The following CUBN variants were observed in gnomAD, a reference collection of about 807,000 sequenced individuals.
The protein encoded by CUBN is 460 kDa receptor.
Under a neutral mutation model 405.3 loss-of-function variants are expected in CUBN, and 282 were observed. The ratio of observed to expected loss-of-function variants is 0.70; its 90% CI spans 0.63 to 0.77. CUBN has a LOEUF of 0.77. CUBN is among the 30% of genes least tolerant of loss of function. CUBN has a pLI of 0.00. For missense variants in CUBN, 4,514 were observed against 4,475.2 expected, an observed-to-expected ratio of 1.01 and a Z score of -0.25; for synonymous variants, 1,684 against 1,617.0, an observed-to-expected ratio of 1.04 and a Z score of -0.99.
At chr10:17,018,528 A>T (rs1834404906) in intron 28 of CUBN, among the ~76,000 whole-genome samples, 1 of 152,198 alleles carries the variant, frequency 6.6e-6, no homozygotes, top group African/African-American at 2.4e-5. Flanking sequence ...CAGCTCATTA[A>T]GGTAGTGTGG....
chr10:16,884,343 G>T (rs1588618207), intron 56 of CUBN, among the ~76,000 whole-genome samples: 1 of 151,678 alleles, frequency 6.6e-6, no homozygotes, highest in Non-Finnish European at 1.5e-5. Context: ...GCTTCATTTT[G>T]CCTCAAGAAG....
chr10:17,032,313 G>A (rs368604978), intron 27 of CUBN, among the ~76,000 whole-genome samples: 1 of 152,126 alleles, frequency 6.6e-6, no homozygotes, highest in Non-Finnish European at 1.5e-5. Context: ...TTTTACACAC[G>A]AGAGAACCAA....
chr10:16,948,417 A>C, intron 35 of CUBN, 61 bp downstream of exon 35: 1 of 1,610,504 alleles, frequency 6.2e-7, no homozygotes, highest in Non-Finnish European at 8.5e-7. Flanking sequence ...CCCCAATAAC[A>C]AACCAAGAAT....
Position 17,075,073 on chromosome 10 carries a change from C to CTTTTTTTTTT in CUBN, c.2302-3112_2302-3103dup, listed in dbSNP as rs957929670. 7.6e-3 allele frequency among the ~76,000 whole-genome samples: 495 copies of CTTTTTTTTTT among 65,330 alleles called. 9 individuals are homozygous for CTTTTTTTTTT. The highest frequency in any genetic ancestry group is 0.014 in the Middle Eastern group (1 of 70). 42.9% of individuals were successfully genotyped at this position (65,330 alleles called of 152,430 possible). A position where few individuals can be genotyped will look rare whatever the true frequency, so the allele number is the denominator to read the frequency against. ...TAAAGAGAAGATTTTTCTTTGTTTT[C>CTTTTTTTTTT]TTTTTTTTTTTTTTTTTTTTTTTTT... On this transcript the variant is annotated intron_variant, in intron 17 of 66. Transcript: ENST00000377833.
intron 17 of CUBN, among the ~76,000 whole-genome samples, chr10:17,074,578 G>A (rs190168681): frequency 1.8e-4 from 27 of 152,188 alleles, no homozygotes; most frequent in Non-Finnish European, 8.8e-5. Flanking sequence ...TACAAGTAGA[G>A]TGTAAATTGA....
rs944115094 is a variant in CUBN, at chr10:16,990,663, C to G, written c.4169-148G>C. ...AAGTTACAATAAAGTTATAATTATG[C>G]AGTTATAAAACAATGAGAAAAAAAT... is the stretch of plus-strand genomic sequence containing the variant. On this transcript the variant is annotated intron_variant, in intron 28 of 66. Coordinates refer to ENST00000377833, the MANE Select transcript of CUBN (RefSeq NM_001081.4). 2.3e-5 allele frequency: 15 copies of G among 666,076 alleles called. No individual in the cohort carries two copies. In the African/African-American group the frequency reaches 2.7e-4, roughly 12 times the overall value. 41.3% of individuals were successfully genotyped at this position (666,076 alleles called of 1,614,324 possible). A position where few individuals can be genotyped will look rare whatever the true frequency, so the allele number is the denominator to read the frequency against.
chr10:17,037,358 T>C (rs1834923724), intron 27 of CUBN, among the ~76,000 whole-genome samples: 1 of 152,192 alleles, frequency 6.6e-6, no homozygotes, highest in Admixed American at 6.5e-5. Flanking sequence ...TCAGACAAAA[T>C]CAAATCTGAT....
At position 16,831,405 on chromosome 10, in the gene CUBN, T is replaced by C; in HGVS notation, c.10375A>G (p.Ser3459Gly). 1 of 1,613,876 alleles carries C rather than the reference T, an allele frequency of 6.2e-7. No homozygotes were observed. The highest frequency in any genetic ancestry group is 1.1e-5 in the South Asian group (1 of 91,084). The change falls in exon 65 of 67, where the codon AGT (serine) becomes GGT (glycine). Residue 3459 changes from serine (S) to glycine (G), a missense_variant. Ser to Gly is a moderately conservative substitution (Grantham distance 56, BLOSUM62 0). Coordinates refer to ENST00000377833, the MANE Select transcript of CUBN (RefSeq NM_001081.4). ...CCCAGTAATGGTGAATTGCTGTTACTTCCATTTCTCACCTTTAGGAAGGAG... is the reference window on the plus strand; with the variant it reads ...CCCAGTAATGGTGAATTGCTGTTACCTCCATTTCTCACCTTTAGGAAGGAG... The part of the protein sequence containing the change: ...RNDFLEVRNG[S>G]NSNSPLLGKY...
chr10:17,046,648 A>G (rs1247963373), intron 23 of CUBN, among the ~76,000 whole-genome samples: 1 of 152,218 alleles, frequency 6.6e-6, no homozygotes, highest in African/African-American at 2.4e-5. Flanking sequence ...ATCAAAGTCC[A>G]GTGAGTAACT....
chr10:17,006,259 A>G (rs1834022730), intron 28 of CUBN, among the ~76,000 whole-genome samples: 1 of 152,238 alleles, frequency 6.6e-6, no homozygotes, highest in African/African-American at 2.4e-5. Flanking sequence ...ATCTGCTGGC[A>G]GAGGTTATGT....
rs533809282 is a variant in CUBN at position 16,982,489 on chromosome 10, T to C, written c.4690A>G (p.Ile1564Val). 4.3e-6 allele frequency: 7 copies of C among 1,613,096 alleles called. No homozygotes were observed. In the African/African-American group the frequency reaches 6.7e-5, roughly 15 times the overall value. ...DFDLEPQDSC[I>V]MAYDGLSSTM... ...TTGAAATTTATGTCACTTACCATAATACAAGAGTCTTGTGGTTCAAGATCA... is the reference window on the plus strand; with the variant it reads ...TTGAAATTTATGTCACTTACCATAACACAAGAGTCTTGTGGTTCAAGATCA... Residue 1564 changes from isoleucine to valine, a missense_variant, in exon 31 of 67, where the codon ATT becomes GTT. Ile to Val is a conservative substitution (Grantham distance 29, BLOSUM62 3). This residue lies in a region of CUBN where 1,613 missense variants were observed against 1,542.8 expected (regional missense o/e 1.05). Transcript: ENST00000377833.
chr10:17,059,422 G>A (rs1835458280), intron 22 of CUBN, among the ~76,000 whole-genome samples: 1 of 152,086 alleles, frequency 6.6e-6, no homozygotes, highest in African/African-American at 2.4e-5. Context: ...TCTAGATTAT[G>A]GGGAACTGCT....
chr10:17,031,011 T>A (rs186745583), intron 27 of CUBN, among the ~76,000 whole-genome samples: 1 of 152,312 alleles, frequency 6.6e-6, no homozygotes, highest in East Asian at 1.9e-4. Context: ...AAAACAATTT[T>A]TAAAATGATA....
intron 28 of CUBN, among the ~76,000 whole-genome samples, chr10:16,996,262 T>C (rs931104124): frequency 6.6e-6 from 1 of 152,210 alleles, no homozygotes; most frequent in Non-Finnish European, 1.5e-5. Flanking sequence ...AATAATGCCC[T>C]GAAGAGAAGC....
At chr10:17,123,468 G>T in intron 5 of CUBN, 120 bp downstream of exon 5, 2 of 813,264 alleles carry the variant, frequency 2.5e-6, no homozygotes, top group Admixed American at 2.0e-5. Flanking sequence ...ATTTCAATTT[G>T]ATTTGGGAGG....
At chr10:17,103,331 T>G in intron 12 of CUBN, 94 bp from the exon 13 acceptor site, 1 of 786,692 alleles carries the variant, frequency 1.3e-6, no homozygotes, top group Non-Finnish European at 2.3e-6. Flanking sequence ...TTAGAGAAAA[T>G]TTGAGTAATG....
intron 26 of CUBN, among the ~76,000 whole-genome samples, chr10:17,042,243 AT>A (rs911433716): frequency 2.0e-5 from 3 of 152,160 alleles, no homozygotes; most frequent in African/African-American, 7.2e-5. Flanking sequence ...TCCATAAAGG[AT>A]TTTTAAAGAA....
At chr10:17,108,020 A>C (rs1285099059) in intron 10 of CUBN, among the ~76,000 whole-genome samples, 5 of 152,204 alleles carry the variant, frequency 3.3e-5, no homozygotes, top group African/African-American at 1.2e-4. Context: ...GGGTAAACTT[A>C]CAGGTTGCAG....
intron 28 of CUBN, among the ~76,000 whole-genome samples, chr10:17,008,999 T>C (rs1000769733): frequency 6.6e-6 from 1 of 152,204 alleles, no homozygotes; most frequent in South Asian, 2.1e-4. Flanking sequence ...ACCTCTCCCA[T>C]GGAAGAGCTC....
Sources: allele counts gnomAD v4.1 joint callset (sites outside exome capture counted in the v4.1 genomes callset), GRCh38; gene constraint gnomAD v4.1.1; regional missense constraint gnomAD v4.1.1; transcripts MANE v1.5; gene names NCBI Gene and HGNC (gene_info 2026-07-23, HGNC 2026-07-21).